Variants in SP100 observed in about 807,000 individuals in gnomAD.
The protein encoded by SP100 is nuclear autoantigen Sp-100.
A neutral mutation model predicts 130.0 loss-of-function variants in SP100; 84 were observed. The observed-to-expected ratio is 0.65, with a 90% CI of 0.54 to 0.77. The LOEUF (loss-of-function observed/expected upper bound fraction) is 0.77, where lower values mean the gene tolerates loss of function less well. Among genes scored for constraint, SP100 ranks in the 30% least tolerant of loss-of-function variants. The probability of loss-of-function intolerance (pLI) is 0.00; values close to 1 mark genes in which losing one functional copy is unlikely to be tolerated. For synonymous variants in SP100, 331 were observed against 351.7 expected (o/e 0.94, Z 0.66); for missense variants, 978 against 1,052.2 (o/e 0.93, Z 0.97).
chr2:230,498,476 G>T lies in SP100; in HGVS notation c.1661G>T (p.Arg554Ile). 1.3e-6 allele frequency: 2 copies of T among 1,503,880 alleles called. No individual in the cohort carries two copies. Among genetic ancestry groups the T allele is most frequent in the South Asian group, 2.7e-5 (2 of 72,830 alleles). The allele number at this position is 1,503,880 out of a possible 1,614,324, so 93.2% of individuals were successfully genotyped here. A position where few individuals can be genotyped will look rare whatever the true frequency, so the allele number is the denominator to read the frequency against. ...ATTTTCTCAGGGAGAAAGAAAGACAGACCTAGAAAACATTTAACTCTGAAT... is the reference window on the plus strand; with the variant it reads ...ATTTTCTCAGGGAGAAAGAAAGACATACCTAGAAAACATTTAACTCTGAAT... ...NGLQRGRKKD[R>I]PRKHLTLNNK... The change falls in exon 19 of 29, where the codon AGA (arginine) becomes ATA (isoleucine). Residue 554 changes from arginine (R) to isoleucine (I), a missense_variant. By Grantham distance (97) the Arg-to-Ile change is moderately conservative. Transcript: ENST00000340126.
chr2:230,485,098 T>A (rs2066007524), intron 17 of SP100, among the ~76,000 whole-genome samples: 1 of 146,586 alleles, frequency 6.8e-6, no homozygotes, highest in African/African-American at 2.7e-5. Context: ...CCCAATATTT[T>A]ATTTTATTTT....
chr2:230,480,630 C>T (rs532306210), intron 17 of SP100, among the ~76,000 whole-genome samples: 5 of 152,244 alleles, frequency 3.3e-5, no homozygotes, highest in Admixed American at 2.0e-4. Context: ...AGGGGGTAGA[C>T]GGCAGGTGTG....
chr2:230,482,142 G>T lies in SP100; in HGVS notation c.1600+7695G>T, dbSNP rs115254455. On this transcript the variant is annotated intron_variant, in intron 17 of 28. Transcript: ENST00000340126. ...TTGATGTACGGAATATTTTATCCTT[G>T]TGTAATTGGTCTGTTTTATCATTTA... Among the ~76,000 whole-genome samples the T allele has an allele frequency of 3.2e-3, 485 of 152,148 alleles. 1 individual carries two copies. Among genetic ancestry groups the T allele is most frequent in the African/African-American group, 0.011 (458 of 41,506 alleles).
At position 230,444,243 on chromosome 2, in the gene SP100, A is replaced by C; in HGVS notation, c.336A>C (p.Glu112Asp). ...GAGTGGTGTACAATGTTCTTAGTGAACTGGAGAAGACATTTAACCTGCCAG... is the reference window on the plus strand; with the variant it reads ...GAGTGGTGTACAATGTTCTTAGTGACCTGGAGAAGACATTTAACCTGCCAG... ...VQRVVYNVLS[E>D]LEKTFNLPVL... Residue 112 changes from glutamate (E) to aspartate (D), a missense_variant, in exon 4 of 29, where the codon GAA (glutamate) becomes GAC (aspartate). By Grantham distance (45) the Glu-to-Asp change is conservative (BLOSUM62 2). Transcript: ENST00000340126. The C allele has an allele frequency of 6.2e-7, 1 of 1,612,868 alleles. No homozygotes were observed. Among genetic ancestry groups the C allele is most frequent in the Non-Finnish European group, 8.5e-7 (1 of 1,178,870 alleles).
intron 24 of SP100, among the ~76,000 whole-genome samples, chr2:230,522,518 T>C (rs919003429): frequency 1.7e-5 from 2 of 119,804 alleles, no homozygotes; most frequent in African/African-American, 7.1e-5. Flanking sequence ...TCTTGCACTG[T>C]CACACTGTCA....
At chr2:230,511,359 G>A (rs1690573751) in intron 24 of SP100, among the ~76,000 whole-genome samples, 193 bp downstream of exon 24, 1 of 152,172 alleles carries the variant, frequency 6.6e-6, no homozygotes, top group Admixed American at 6.6e-5. Flanking sequence ...TTTTGTTTCA[G>A]TAGAAATCTT....
chr2:230,446,086 G>T (rs974613936), intron 4 of SP100, among the ~76,000 whole-genome samples: 6 of 152,156 alleles, frequency 3.9e-5, no homozygotes, highest in African/African-American at 1.4e-4. Context: ...CTTTAAAGAT[G>T]TTGAGGTTTT....
chr2:230,423,654 A>T (rs1164289542), intron 2 of SP100, among the ~76,000 whole-genome samples: 1 of 152,204 alleles, frequency 6.6e-6, no homozygotes, highest in Non-Finnish European at 1.5e-5. Context: ...TAGGCCATGA[A>T]TGTTCATCTC....
intron 11 of SP100, among the ~76,000 whole-genome samples, chr2:230,465,983 G>A (rs1189090033): frequency 6.6e-6 from 1 of 151,814 alleles, no homozygotes; most frequent in Non-Finnish European, 1.5e-5. Flanking sequence ...TCAGGAGTTC[G>A]AGACCAGTCT....
At chr2:230,520,054 C>T (rs933960596) in intron 24 of SP100, among the ~76,000 whole-genome samples, 23 of 152,156 alleles carry the variant, frequency 1.5e-4, no homozygotes, top group Non-Finnish European at 3.4e-4. Context: ...AATTTTTCTT[C>T]CCCGAAATTT....
intron 17 of SP100, among the ~76,000 whole-genome samples, chr2:230,475,330 A>G (rs1559509016): frequency 6.6e-6 from 1 of 152,100 alleles, no homozygotes; most frequent in Non-Finnish European, 1.5e-5. Context: ...GACCACTTGT[A>G]TGTCTTCTTT....
intron 2 of SP100, among the ~76,000 whole-genome samples, chr2:230,423,687 G>A (rs915282660): frequency 6.6e-6 from 1 of 152,116 alleles, no homozygotes; most frequent in African/African-American, 2.4e-5. Flanking sequence ...GAAATGTTTG[G>A]CCTTTATAAC....
At chr2:230,482,218 C>A (rs1021395169) in intron 17 of SP100, among the ~76,000 whole-genome samples, 1 of 152,100 alleles carries the variant, frequency 6.6e-6, no homozygotes, top group African/African-American at 2.4e-5. Flanking sequence ...TCTCAGGTTA[C>A]CAAGATATTT....
At chr2:230,519,637 C>T (rs145018690) in intron 24 of SP100, among the ~76,000 whole-genome samples, 28 of 152,244 alleles carry the variant, frequency 1.8e-4, no homozygotes, top group Non-Finnish European at 3.2e-4. Context: ...AGGGAGAAAG[C>T]TTCTGAAGTC....
At chr2:230,471,329 G>T (rs908404833) in intron 15 of SP100, among the ~76,000 whole-genome samples, 1 of 152,144 alleles carries the variant, frequency 6.6e-6, no homozygotes, top group East Asian at 1.9e-4. Context: ...TGATATAGGT[G>T]TATTTTTTTG....
At chr2:230,499,768 A>G (rs1028170181) in intron 19 of SP100, among the ~76,000 whole-genome samples, 2 of 151,674 alleles carry the variant, frequency 1.3e-5, no homozygotes, top group African/African-American at 4.8e-5. Flanking sequence ...TCACCTTTAC[A>G]CTTCTCAGAG....
chr2:230,513,138 A>G (rs987432671), intron 24 of SP100, among the ~76,000 whole-genome samples: 7 of 152,230 alleles, frequency 4.6e-5, no homozygotes, highest in Admixed American at 2.6e-4. Flanking sequence ...TTATCCCGGA[A>G]GTTGGAAACC....
chr2:230,438,409 T>C (rs1169787983), intron 2 of SP100, among the ~76,000 whole-genome samples: 2 of 152,098 alleles, frequency 1.3e-5, no homozygotes, highest in African/African-American at 4.8e-5. Flanking sequence ...ATGTGTATTC[T>C]TTTATCTGTC....
At chr2:230,469,598 C>G in intron 14 of SP100, 1 of 455,406 alleles carries the variant, frequency 2.2e-6, no homozygotes, top group Admixed American at 2.8e-5. Context: ...GAAGGATCCA[C>G]ACTGATCTGT....
Sources: gnomAD v4.1 joint callset for allele counts (sites outside exome capture counted in the v4.1 genomes callset) on GRCh38, gnomAD v4.1.1 for gene constraint, MANE v1.5 for transcripts, NCBI Gene and HGNC (gene_info 2026-07-23, HGNC 2026-07-21) for gene names.